Variants in FAM78B observed in about 807,000 individuals in gnomAD.
FAM78B encodes protein FAM78B.
Under a neutral mutation model 20.0 loss-of-function variants are expected in FAM78B, and 10 were observed. The ratio of observed to expected loss-of-function variants is 0.50; its 90% CI spans 0.31 to 0.85. FAM78B has a LOEUF of 0.85. FAM78B is among the 40% of genes least tolerant of loss of function. The probability of loss-of-function intolerance (pLI) is 0.05; values close to 1 mark genes in which losing one functional copy is unlikely to be tolerated. For missense variants in FAM78B, 283 were observed against 345.0 expected (o/e 0.82, Z 1.42); for synonymous variants, 135 against 132.8 (o/e 1.02, Z -0.12).
chr1:166,074,530 TTAA>T (rs1409594780), intron 1 of FAM78B, among the ~76,000 whole-genome samples: 2 of 152,330 alleles, frequency 1.3e-5, no homozygotes, highest in South Asian at 2.1e-4. Flanking sequence ...CACATAAAAC[TTAA>T]TAACTATTTA....
At chr1:166,100,239 G>T (rs1653455680) in intron 1 of FAM78B, among the ~76,000 whole-genome samples, 1 of 152,204 alleles carries the variant, frequency 6.6e-6, no homozygotes, top group Non-Finnish European at 1.5e-5. Context: ...AATAGGAACA[G>T]CTCCAGTATA....
chr1:166,060,758 C>G (rs1439829410), intron 2 of FAM78B: 2 of 734,218 alleles, frequency 2.7e-6, no homozygotes, highest in Non-Finnish European at 3.8e-6. Context: ...ATGATCTGGG[C>G]TCCATTAATA....
chr1:166,086,041 A>C (rs1344166079), intron 1 of FAM78B, among the ~76,000 whole-genome samples: 1 of 151,706 alleles, frequency 6.6e-6, no homozygotes, highest in Middle Eastern at 3.5e-3. Flanking sequence ...AATTCTTGCT[A>C]TAGTAACCTT....
chr1:166,116,806 T>C (rs977572477), intron 1 of FAM78B, among the ~76,000 whole-genome samples: 9 of 152,212 alleles, frequency 5.9e-5, no homozygotes, highest in Non-Finnish European at 1.2e-4. Flanking sequence ...CTCTGCTCTG[T>C]GACCTTGAGC....
At chr1:166,140,283 C>G (rs1253071091) in intron 1 of FAM78B, among the ~76,000 whole-genome samples, 1 of 152,200 alleles carries the variant, frequency 6.6e-6, no homozygotes, top group Non-Finnish European at 1.5e-5. Context: ...GGCTGACTTG[C>G]CAGAAAAAGT....
chr1:166,140,944 T>C (rs1470761), intron 1 of FAM78B, among the ~76,000 whole-genome samples: 124,168 of 152,194 alleles, frequency 0.82, 51,432 homozygotes, highest in Non-Finnish European at 0.9. Flanking sequence ...GGCAACTTAC[T>C]TGGAGTTCAT....
At chr1:166,065,448 TAAC>T (rs771487333), downstream of FAM78B, among the ~76,000 whole-genome samples, 6 of 152,220 alleles carry the variant, frequency 3.9e-5, no homozygotes, top group Non-Finnish European at 7.3e-5. Flanking sequence ...TTACTATTAA[TAAC>T]AACAATGACA....
Position 166,166,958 on chromosome 1 carries a change from G to A in FAM78B, c.-710C>T, listed in dbSNP as rs937108164. ...GGGGTGGAGAGCCCCAACGGCTGGAGCAGCACAGGACGTGCTCCGCGGAGG... is the reference window on the plus strand; with the variant it reads ...GGGGTGGAGAGCCCCAACGGCTGGAACAGCACAGGACGTGCTCCGCGGAGG... On this transcript the variant is annotated 5_prime_UTR_variant, in exon 1 of 2. Transcript: ENST00000354422. 6.6e-6 allele frequency: 1 copy of A among 150,986 alleles called. No homozygotes were observed. Among genetic ancestry groups the A allele is most frequent in the Admixed American group, 6.6e-5 (1 of 15,158 alleles). 9.4% of individuals were successfully genotyped at this position (150,986 alleles called of 1,614,324 possible). A position where few individuals can be genotyped will look rare whatever the true frequency, so the allele number is the denominator to read the frequency against.
At chr1:166,158,633 G>T (rs142172375) in intron 1 of FAM78B, among the ~76,000 whole-genome samples, 62 of 152,264 alleles carry the variant, frequency 4.1e-4, no homozygotes, top group African/African-American at 1.3e-3. Context: ...CCTGGCACAG[G>T]CACACTCACA....
chr1:166,160,893 G>T (rs1273176748), intron 1 of FAM78B, among the ~76,000 whole-genome samples: 1 of 152,172 alleles, frequency 6.6e-6, no homozygotes, highest in Non-Finnish European at 1.5e-5. Flanking sequence ...ACCAGTATAA[G>T]AACAGCGCAT....
In FAM78B at chr1:166,088,666, C is replaced by T. The variant is rs544212705; in HGVS notation, c.264-17903G>A. 1.1e-3 allele frequency among the ~76,000 whole-genome samples: 161 copies of T among 152,310 alleles called. 1 individual carries two copies. Among genetic ancestry groups the T allele is most frequent in the African/African-American group, 3.8e-3 (156 of 41,572 alleles). ...CATACAGCTATGGCCAAGTCATTCC[C>T]ACCCTTCAATCCTCTGTGAAGGGCT... On this transcript the variant is annotated intron_variant, in intron 1 of 1. Transcript: ENST00000354422.
chr1:166,082,206 A>G (rs368063741), intron 1 of FAM78B, among the ~76,000 whole-genome samples: 1 of 152,092 alleles, frequency 6.6e-6, no homozygotes, highest in Non-Finnish European at 1.5e-5. Flanking sequence ...CTCCAGCCTC[A>G]TTCATCCTCA....
At chr1:166,113,300 G>A (rs1443458502) in intron 1 of FAM78B, among the ~76,000 whole-genome samples, 2 of 152,208 alleles carry the variant, frequency 1.3e-5, no homozygotes, top group African/African-American at 4.8e-5. Context: ...GGGGGATAAT[G>A]TTGGGTTTGA....
downstream of FAM78B, among the ~76,000 whole-genome samples, chr1:166,065,785 T>C (rs146367351): frequency 2.4e-4 from 37 of 152,298 alleles, no homozygotes; most frequent in East Asian, 6.6e-3. Context: ...GACTCTGGGG[T>C]AAAAATATCT....
chr1:166,086,844 G>A (rs542970977), intron 1 of FAM78B, among the ~76,000 whole-genome samples: 1 of 152,220 alleles, frequency 6.6e-6, no homozygotes, highest in Admixed American at 6.5e-5. Flanking sequence ...CACACGTGTG[G>A]ACAGAGGAAT....
chr1:166,141,066 C>G (rs1313089824), intron 1 of FAM78B, among the ~76,000 whole-genome samples: 3 of 152,194 alleles, frequency 2.0e-5, no homozygotes, highest in Non-Finnish European at 4.4e-5. Flanking sequence ...ATTAATATAT[C>G]AGAAATGCTC....
intron 1 of FAM78B, among the ~76,000 whole-genome samples, chr1:166,123,451 G>A (rs1654533371): frequency 6.6e-6 from 1 of 152,140 alleles, no homozygotes; most frequent in South Asian, 2.1e-4. Flanking sequence ...CCCTTCACTG[G>A]TATCCTCGTC....
At chr1:166,125,828 T>G (rs1654621352) in intron 1 of FAM78B, among the ~76,000 whole-genome samples, 2 of 133,882 alleles carry the variant, frequency 1.5e-5, no homozygotes, top group Non-Finnish European at 3.1e-5. Context: ...TATTGCTACT[T>G]TGAATTTTTT....
chr1:166,096,952 AC>A (rs1653304318), intron 1 of FAM78B, among the ~76,000 whole-genome samples: 1 of 152,230 alleles, frequency 6.6e-6, no homozygotes, highest in Non-Finnish European at 1.5e-5. Flanking sequence ...GACTGCAAGA[AC>A]AAACCAGCAA....
Sources: gnomAD v4.1 joint callset for allele counts (sites outside exome capture counted in the v4.1 genomes callset) on GRCh38, gnomAD v4.1.1 for gene constraint, MANE v1.5 for transcripts, NCBI Gene and HGNC (gene_info 2026-07-23, HGNC 2026-07-21) for gene names.